NFASC: variants seen among roughly 807,000 people sequenced by gnomAD.
NFASC encodes neurofascin homolog.
NFASC carries 43 observed loss-of-function variants against 147.5 expected under a neutral mutation model. The observed-to-expected ratio is 0.29, with a 90% CI of 0.23 to 0.38. The LOEUF is 0.38. Ranked by LOEUF, NFASC falls within the 10% of genes least tolerant of loss-of-function variation. The pLI is 1.00. For missense variants in NFASC, 1,320 were observed against 1,689.0 expected, an observed-to-expected ratio of 0.78 and a Z score of 3.83; for synonymous variants, 622 against 665.5, an observed-to-expected ratio of 0.93 and a Z score of 1.01.
intron 1 of NFASC, among the ~76,000 whole-genome samples, chr1:204,880,953 A>G (rs1271480280): frequency 6.6e-6 from 1 of 152,236 alleles, no homozygotes; most frequent in Non-Finnish European, 1.5e-5. Context: ...CTCCCAAGCT[A>G]ACCAGAGAAA....
chr1:204,951,809 T>C (rs1250734896), intron 4 of NFASC, among the ~76,000 whole-genome samples: 1 of 152,184 alleles, frequency 6.6e-6, no homozygotes, highest in African/African-American at 2.4e-5. Context: ...TTATGCTTAA[T>C]CTTTGACACC....
chr1:204,873,655 A>C (rs1224950446), intron 1 of NFASC, among the ~76,000 whole-genome samples: 2 of 150,474 alleles, frequency 1.3e-5, no homozygotes, highest in Non-Finnish European at 1.5e-5. Flanking sequence ...CATGTGTGCT[A>C]GGGACAGCTG....
rs576760409 is a variant in NFASC, at chr1:204,947,599, C to A, written c.92-2958C>A. Among the ~76,000 whole-genome samples the A allele has an allele frequency of 3.8e-3, 569 of 149,586 alleles. 4 individuals are homozygous for A. Among genetic ancestry groups the A allele is most frequent in the Non-Finnish European group, 5.4e-3 (366 of 67,392 alleles). On this transcript the variant is annotated intron_variant, in intron 3 of 29. Coordinates refer to ENST00000339876, the MANE Select transcript of NFASC (RefSeq NM_001005388.3). ...TGCTGTGCCAGTGAAGTCACACGCA[C>A]CCCTCCCACCCATCCCCTCCCTCCC...
At chr1:205,012,515 C>T (rs996394387) in intron 28 of NFASC, among the ~76,000 whole-genome samples, 1 of 152,112 alleles carries the variant, frequency 6.6e-6, no homozygotes, top group Non-Finnish European at 1.5e-5. Flanking sequence ...TTTGGGGAGA[C>T]TTCATGGAGA....
At chr1:204,877,723 G>A (rs1301915441) in intron 1 of NFASC, among the ~76,000 whole-genome samples, 2 of 152,084 alleles carry the variant, frequency 1.3e-5, no homozygotes, top group African/African-American at 4.8e-5. Context: ...TGGACATTTG[G>A]GTTGTTTCCA....
intron 3 of NFASC, among the ~76,000 whole-genome samples, chr1:204,947,891 C>T (rs969465960): frequency 1.3e-5 from 2 of 152,088 alleles, no homozygotes; most frequent in African/African-American, 4.8e-5. Context: ...TACACTCACG[C>T]TCACACCTGC....
chr1:204,881,254 G>A (rs932871837), intron 1 of NFASC, among the ~76,000 whole-genome samples: 1 of 152,202 alleles, frequency 6.6e-6, no homozygotes, highest in East Asian at 1.9e-4. Flanking sequence ...CCACCCCTGG[G>A]GGTGTGTGCC....
intron 1 of NFASC, among the ~76,000 whole-genome samples, chr1:204,864,007 A>G (rs2076913837): frequency 6.6e-6 from 1 of 152,186 alleles, no homozygotes; most frequent in South Asian, 2.1e-4. Context: ...CTCTATAACC[A>G]TTAAGCATTA....
intron 27 of NFASC, 91 bp downstream of exon 27, chr1:205,002,839 A>G: frequency 9.6e-7 from 1 of 1,042,692 alleles, no homozygotes; most frequent in East Asian, 2.9e-5. Flanking sequence ...CCTCGGAAAG[A>G]AGACTCATCC....
At chr1:204,829,023 C>A (rs1191200656) in intron 1 of NFASC, among the ~76,000 whole-genome samples, 2 of 101,774 alleles carry the variant, frequency 2.0e-5, no homozygotes, top group Admixed American at 2.2e-4. Context: ...AACACCCTTT[C>A]TATCTCGTTG....
chr1:204,933,285 A>G (rs2092530576), intron 2 of NFASC, among the ~76,000 whole-genome samples: 1 of 152,142 alleles, frequency 6.6e-6, no homozygotes, highest in Non-Finnish European at 1.5e-5. Context: ...GAAAGGTGAG[A>G]TGGGGAGAAT....
intron 2 of NFASC, among the ~76,000 whole-genome samples, chr1:204,928,628 A>G (rs1189430396): frequency 2.0e-5 from 3 of 152,244 alleles, no homozygotes; most frequent in East Asian, 1.9e-4. Context: ...GGGAAAATAA[A>G]GAAAAACAAC....
At chr1:204,868,686 A>G (rs1300871384) in intron 1 of NFASC, among the ~76,000 whole-genome samples, 1 of 152,192 alleles carries the variant, frequency 6.6e-6, no homozygotes, top group Non-Finnish European at 1.5e-5. Context: ...CAGGAACTGC[A>G]AAGCGATGGC....
intron 1 of NFASC, among the ~76,000 whole-genome samples, chr1:204,880,901 A>G (rs1169924611): frequency 2.0e-5 from 3 of 152,246 alleles, no homozygotes; most frequent in Non-Finnish European, 2.9e-5. Context: ...GACAGGAGAC[A>G]GATGAAAGTG....
intron 1 of NFASC, among the ~76,000 whole-genome samples, chr1:204,872,758 G>T (rs1428127743): frequency 6.6e-6 from 1 of 152,186 alleles, no homozygotes; most frequent in Non-Finnish European, 1.5e-5. Flanking sequence ...TGGTGAGATG[G>T]CCTCCCCCAG....
At chr1:204,940,331 T>C (rs951762161) in intron 2 of NFASC, among the ~76,000 whole-genome samples, 2 of 152,132 alleles carry the variant, frequency 1.3e-5, no homozygotes, top group Admixed American at 1.3e-4. Flanking sequence ...CACATGCCTG[T>C]AATCCCAGCT....
rs192963004 is a variant in NFASC, at chr1:204,942,025, T to C, written c.-90-2201T>C. Among the ~76,000 whole-genome samples, 752 of 152,326 alleles carry C rather than the reference T, an allele frequency of 4.9e-3. 8 individuals are homozygous for C. Among genetic ancestry groups the C allele is most frequent in the African/African-American group, 0.017 (727 of 41,584 alleles). ...TCGTTCATTTTTTCATCCATCCATATGTCGATCCCTCTCACAGTTTTGAGG... is the reference window on the plus strand; with the variant it reads ...TCGTTCATTTTTTCATCCATCCATACGTCGATCCCTCTCACAGTTTTGAGG... On this transcript the variant is annotated intron_variant, in intron 2 of 29. Coordinates refer to ENST00000339876, the MANE Select transcript of NFASC (RefSeq NM_001005388.3).
chr1:204,863,448 T>C (rs1328188662), intron 1 of NFASC, among the ~76,000 whole-genome samples: 1 of 152,246 alleles, frequency 6.6e-6, no homozygotes, highest in Non-Finnish European at 1.5e-5. Context: ...GAAAACTTGC[T>C]ATTTCAACCA....
At chr1:204,844,024 C>T (rs1224543711) in intron 1 of NFASC, among the ~76,000 whole-genome samples, 2 of 152,130 alleles carry the variant, frequency 1.3e-5, no homozygotes, top group African/African-American at 4.8e-5. Flanking sequence ...AGGCATGAGC[C>T]ACTGTGCCTG....
Sources: gnomAD v4.1 joint callset for allele counts (sites outside exome capture counted in the v4.1 genomes callset) on GRCh38, gnomAD v4.1.1 for gene constraint, MANE v1.5 for transcripts, NCBI Gene and HGNC (gene_info 2026-07-23, HGNC 2026-07-21) for gene names.